Variants in MAK observed in about 807,000 individuals in gnomAD.
The protein encoded by MAK is male germ cell associated kinase.
MAK carries 65 observed loss-of-function variants against 82.6 expected under a neutral mutation model. The observed-to-expected ratio is 0.79, with a 90% CI of 0.64 to 0.97. MAK has a LOEUF of 0.97. Ranked by LOEUF, MAK falls within the 50% of genes least tolerant of loss-of-function variation. The pLI is 0.00. For missense variants in MAK, 703 were observed against 780.2 expected (o/e 0.90, Z 1.18); for synonymous variants, 250 against 274.2 (o/e 0.91, Z 0.87).
intron 12 of MAK, 43 bp downstream of exon 12, chr6:10,775,284 TA>T (rs1428399424): frequency 6.2e-7 from 1 of 1,604,624 alleles, no homozygotes; most frequent in Non-Finnish European, 8.5e-7. Context: ...TAGACCTCTA[TA>T]AAGGAAAACC....
Position 10,775,451 on chromosome 6 carries a change from G to A in MAK, c.1474C>T (p.Pro492Ser). The A allele has an allele frequency of 1.2e-6, 2 of 1,613,146 alleles. No individual in the cohort carries two copies. Among genetic ancestry groups the A allele is most frequent in the South Asian group, 1.1e-5 (1 of 91,046 alleles). The change falls in exon 12 of 15, where the codon CCC becomes TCC. Residue 492 changes from proline (P) to serine (S), a missense_variant. Pro to Ser is a moderately conservative substitution (Grantham distance 74). Coordinates refer to ENST00000354489, the MANE Select transcript of MAK (RefSeq NM_001242957.3). ...KQSRYLPGVN[P>S]KKVSLIASGK... Reference sequence around the variant, plus strand: ...CTGGCTATCAAGGACACCTTCTTGGGATTCACACCTGAGAAGAACAAAACA... The same window carrying A: ...CTGGCTATCAAGGACACCTTCTTGGAATTCACACCTGAGAAGAACAAAACA...
chr6:10,795,997 C>G lies in MAK; in HGVS notation c.1143+1G>C. 6.2e-7 allele frequency: 1 copy of G among 1,613,654 alleles called. No individual in the cohort carries two copies. The highest frequency in any genetic ancestry group is 8.5e-7 in the Non-Finnish European group (1 of 1,179,602). On this transcript the variant is annotated splice_donor_variant, in intron 9 of 14. Coordinates refer to ENST00000354489, the MANE Select transcript of MAK (RefSeq NM_001242957.3). LOFTEE classifies it high-confidence loss of function. ...TGCAAGTGTCATGACTGGCTACTCACAGTTGGCATGTTTTTGACGATGCTC... is the reference window on the plus strand; with the variant it reads ...TGCAAGTGTCATGACTGGCTACTCAGAGTTGGCATGTTTTTGACGATGCTC...
Position 10,804,007 on chromosome 6 carries a change from C to T in MAK, c.492-116G>A, listed in dbSNP as rs1002246783. The T allele has an allele frequency of 1.1e-5, 9 of 829,528 alleles. 1 individual carries two copies. In the South Asian group the frequency reaches 1.1e-4, roughly 10 times the overall value. 51.4% of individuals were successfully genotyped at this position (829,528 alleles called of 1,614,324 possible). Reference sequence around the variant, plus strand: ...CCATCAAGGAACAGGTATTCAGACCCTGTTCCATCTGTGTGTCAGGCATTT... The same window carrying T: ...CCATCAAGGAACAGGTATTCAGACCTTGTTCCATCTGTGTGTCAGGCATTT... On this transcript the variant is annotated intron_variant, in intron 6 of 14. Coordinates refer to ENST00000354489, the MANE Select transcript of MAK (RefSeq NM_001242957.3).
chr6:10,779,196 A>G (rs1466646800), intron 11 of MAK: 2 of 232,104 alleles, frequency 8.6e-6, no homozygotes, highest in Admixed American at 6.6e-5. Context: ...CAGTGGTGGC[A>G]TCGATTCATG....
chr6:10,815,049 A>C (rs1445073566), intron 4 of MAK, among the ~76,000 whole-genome samples: 1 of 151,704 alleles, frequency 6.6e-6, no homozygotes, highest in African/African-American at 2.4e-5. Flanking sequence ...AAAAAAAAAA[A>C]ATAAAGAAAG....
In MAK at chr6:10,770,098, A is replaced by G; in HGVS notation, c.1792+13T>C. ...CTAGGAATCTAGAAAACTGTATCTG[A>G]AGTTGTTCCTACCTGAAGCCGTTGC... On this transcript the variant is annotated intron_variant, in intron 14 of 14. Transcript: ENST00000354489. 1 of 1,614,170 alleles carries G rather than the reference A, an allele frequency of 6.2e-7. No individual in the cohort carries two copies.
chr6:10,812,082 C>T (rs1390305306), intron 5 of MAK, among the ~76,000 whole-genome samples: 1 of 152,094 alleles, frequency 6.6e-6, no homozygotes, highest in African/African-American at 2.4e-5. Context: ...CGCCTGTAGT[C>T]CCAGCTACTA....
intron 10 of MAK, chr6:10,784,820 T>C (rs1774379810): frequency 3.1e-6 from 2 of 636,318 alleles, no homozygotes; most frequent in African/African-American, 1.8e-5. Context: ...AGCAATTTAC[T>C]TGTGTGTAAC....
chr6:10,803,865 C>T lies in MAK; in HGVS notation c.518G>A (p.Arg173Lys). Residue 173 changes from arginine (R) to lysine (K), a missense_variant, in exon 7 of 15, where the codon AGA becomes AAA. Transcript: ENST00000354489. ...RWYRAPEVLL[R>K]SSVYSSPIDV... ...AATGGGAGAACTATAAACTGAAGAT[C>T]TCAGTAAAACTTCAGGGGCACGATA... is the stretch of plus-strand genomic sequence containing the variant. 1 of 1,614,046 alleles carries T rather than the reference C, an allele frequency of 6.2e-7. No homozygotes were observed. Among genetic ancestry groups the T allele is most frequent in the South Asian group, 1.1e-5 (1 of 91,078 alleles).
chr6:10,779,579 G>A (rs1025243721), intron 11 of MAK: 7 of 600,782 alleles, frequency 1.2e-5, no homozygotes, highest in Non-Finnish European at 1.5e-5. Flanking sequence ...TTGGCTTTAG[G>A]GTAAAGAGGG....
chr6:10,795,513 C>A (rs1348241715), intron 9 of MAK, among the ~76,000 whole-genome samples: 1 of 151,886 alleles, frequency 6.6e-6, no homozygotes, highest in Non-Finnish European at 1.5e-5. Context: ...GAGGCCAAGG[C>A]GGGTGTATCA....
Position 10,791,775 on chromosome 6 carries a change from T to C in MAK, c.1216A>G (p.Ser406Gly). The change falls in exon 10 of 15, where the codon AGC becomes GGC. Residue 406 changes from serine to glycine, a missense_variant. Coordinates refer to ENST00000354489, the MANE Select transcript of MAK (RefSeq NM_001242957.3). ...WGQTIFKSGD[S>G]WEELEDYDFG... is the part of the protein sequence containing the mutation. ...TCATAGTCCTCCAACTCTTCCCAGC[T>C]ATCTCCAGACTTGAAGATAGTCTGA... 3 of 1,614,140 alleles carry C rather than the reference T, an allele frequency of 1.9e-6. No homozygotes were observed. The highest frequency in any genetic ancestry group is 1.7e-6 in the Non-Finnish European group (2 of 1,179,986).
intron 11 of MAK, among the ~76,000 whole-genome samples, chr6:10,775,921 T>A (rs1581651104): frequency 6.6e-6 from 1 of 152,240 alleles, no homozygotes; most frequent in Middle Eastern, 3.4e-3. Context: ...CCCGAGTAGC[T>A]GGGATTACAG....
At chr6:10,779,833 C>T (rs553838966) in intron 11 of MAK, among the ~76,000 whole-genome samples, 5 of 152,160 alleles carry the variant, frequency 3.3e-5, no homozygotes, top group Admixed American at 6.5e-5. Context: ...TACAGGCACC[C>T]GCCACCATGC....
At chr6:10,784,689 T>G (rs1774362118) in intron 10 of MAK, 117 bp from the exon 11 acceptor site, 2 of 755,156 alleles carry the variant, frequency 2.6e-6, no homozygotes, top group Middle Eastern at 2.4e-4. Flanking sequence ...CTGACCTCAC[T>G]TAAATGGTTT....
intron 6 of MAK, among the ~76,000 whole-genome samples, chr6:10,804,765 T>A (rs533316328): frequency 1.3e-5 from 2 of 152,332 alleles, no homozygotes; most frequent in African/African-American, 4.8e-5. Context: ...CCAAAATGTG[T>A]AAATATTTCA....
chr6:10,805,070 C>CGGGGGGGGGGGGGGG (rs60993333), intron 6 of MAK, among the ~76,000 whole-genome samples: 3 of 100,218 alleles, frequency 3.0e-5, no homozygotes, highest in African/African-American at 1.3e-4. Context: ...ATGTGTGTGT[C>CGGGGGGGGGGGGGGG]GGGGGGGGGG....
chr6:10,828,786 C>A (rs1222533929), intron 2 of MAK, among the ~76,000 whole-genome samples: 1 of 151,970 alleles, frequency 6.6e-6, no homozygotes, highest in Admixed American at 6.6e-5. Context: ...CAGAATGGAA[C>A]CCTGTCTTGA....
At chr6:10,766,763 C>CT (rs1430714339) in intron 14 of MAK, among the ~76,000 whole-genome samples, 2 of 152,214 alleles carry the variant, frequency 1.3e-5, no homozygotes, top group East Asian at 3.9e-4. Flanking sequence ...TGGCATTAGG[C>CT]TAATGGGTGT....
Sources: allele counts gnomAD v4.1 joint callset (sites outside exome capture counted in the v4.1 genomes callset), GRCh38; gene constraint gnomAD v4.1.1; transcripts MANE v1.5; gene names NCBI Gene and HGNC (gene_info 2026-07-23, HGNC 2026-07-21).